SLC2A9: variants seen among roughly 807,000 people sequenced by gnomAD.
The protein encoded by SLC2A9 is solute carrier family 2 member 9.
In SLC2A9, 39 loss-of-function variants were observed where a neutral mutation model predicts 50.6. The ratio of observed to expected loss-of-function variants is 0.77; its 90% CI spans 0.60 to 1.01. The LOEUF is 1.01. Ranked by LOEUF, SLC2A9 falls within the 50% of genes least tolerant of loss-of-function variation. SLC2A9 has a pLI of 0.00. For synonymous variants in SLC2A9, 324 were observed against 276.9 expected (o/e 1.17, Z -1.69); for missense variants, 686 against 677.6 (o/e 1.01, Z -0.14).
At chr4:9,944,850 G>A (rs1208435749) in intron 5 of SLC2A9, among the ~76,000 whole-genome samples, 3 of 152,194 alleles carry the variant, frequency 2.0e-5, no homozygotes, top group Non-Finnish European at 4.4e-5. Context: ...ACCAAGAAAA[G>A]TGTGACTGGG....
intron 2 of SLC2A9, among the ~76,000 whole-genome samples, chr4:10,015,740 G>A (rs1199532183): frequency 3.9e-5 from 6 of 152,158 alleles, no homozygotes; most frequent in Admixed American, 1.3e-4. Context: ...CGAATCCACC[G>A]GCACTTTGAT....
At chr4:10,007,862 G>A (rs904235709) in intron 2 of SLC2A9, among the ~76,000 whole-genome samples, 1 of 152,128 alleles carries the variant, frequency 6.6e-6, no homozygotes, top group Non-Finnish European at 1.5e-5. Context: ...TATAGAATGG[G>A]AATAAGAACC....
chr4:10,025,851 C>G (rs1763731978), upstream of SLC2A9: 5 of 1,574,266 alleles, frequency 3.2e-6, no homozygotes, highest in East Asian at 6.7e-5. Flanking sequence ...GGTACTACCC[C>G]CTGGGTGACC....
At chr4:9,839,426 C>A (rs553125877) in intron 10 of SLC2A9, among the ~76,000 whole-genome samples, 12 of 152,166 alleles carry the variant, frequency 7.9e-5, no homozygotes, top group African/African-American at 2.9e-4. Context: ...GACAGTGTGG[C>A]CGTTCCTCAA....
At chr4:9,953,410 C>A (rs930876626) in intron 5 of SLC2A9, among the ~76,000 whole-genome samples, 3 of 152,232 alleles carry the variant, frequency 2.0e-5, no homozygotes, top group African/African-American at 7.2e-5. Context: ...GATGTGGGCA[C>A]TGGTGCCTTG....
chr4:9,917,418 C>T (rs1401378950), intron 7 of SLC2A9, among the ~76,000 whole-genome samples: 2 of 145,174 alleles, frequency 1.4e-5, no homozygotes, highest in African/African-American at 2.6e-5. Context: ...CTGTAGCCTC[C>T]GCCTCCCAGG....
intron 7 of SLC2A9, among the ~76,000 whole-genome samples, chr4:9,919,739 A>G (rs1743555460): frequency 6.6e-6 from 1 of 152,196 alleles, no homozygotes; most frequent in South Asian, 2.1e-4. Context: ...ATAGATGGGG[A>G]GATCACCACC....
intron 3 of SLC2A9, among the ~76,000 whole-genome samples, chr4:9,995,273 G>A (rs1451448754): frequency 1.3e-5 from 2 of 152,112 alleles, no homozygotes; most frequent in Non-Finnish European, 2.9e-5. Context: ...GTATTTCCAG[G>A]CCCTGAATTC....
rs142273891 is a variant in SLC2A9 at position 9,996,747 on chromosome 4, G to A, written c.410+34C>T. 12 of 1,610,374 alleles carry A rather than the reference G, an allele frequency of 7.5e-6. No homozygotes were observed. The Admixed American group carries it at 1.2e-4, about 16-fold the overall frequency. Reference sequence around the variant, plus strand: ...GACACAGATATATTATGAACATGGAGGGCACCCCCAGATAGAGACAGCCTC... The same window carrying A: ...GACACAGATATATTATGAACATGGAAGGCACCCCCAGATAGAGACAGCCTC... On this transcript the variant is annotated intron_variant, in intron 3 of 11. Transcript: ENST00000264784.
intron 10 of SLC2A9, chr4:9,879,297 T>C (rs1305048323): frequency 4.1e-6 from 4 of 985,124 alleles, no homozygotes; most frequent in African/African-American, 1.7e-5. Context: ...AATGGATGAA[T>C]AAGGGTGGTT....
Position 9,826,232 on chromosome 4 carries a change from G to C in SLC2A9, c.*165C>G, listed in dbSNP as rs1472459027. The C allele has an allele frequency of 8.8e-6, 6 of 683,788 alleles. No homozygotes were observed. Among genetic ancestry groups the C allele is most frequent in the African/African-American group, 7.2e-5 (4 of 55,288 alleles). The allele number at this position is 683,788 out of a possible 1,614,324, so 42.4% of individuals were successfully genotyped here. On this transcript the variant is annotated 3_prime_UTR_variant, in exon 12 of 12. Coordinates refer to ENST00000264784, the MANE Select transcript of SLC2A9 (RefSeq NM_020041.3). ...CTAACACAGTTGCAATGTTAGATTAGTACAGGTTTACTTTTAAATATTTAA... is the reference window on the plus strand; with the variant it reads ...CTAACACAGTTGCAATGTTAGATTACTACAGGTTTACTTTTAAATATTTAA...
chr4:9,849,488 TTGAC>T (rs1204244027), intron 10 of SLC2A9, among the ~76,000 whole-genome samples: 2 of 152,246 alleles, frequency 1.3e-5, no homozygotes, highest in African/African-American at 4.8e-5. Context: ...GTTCTTCCTC[TTGAC>T]TATCAATTAG....
chr4:9,979,904 T>C (rs553413271), intron 5 of SLC2A9, among the ~76,000 whole-genome samples: 15 of 152,246 alleles, frequency 9.9e-5, no homozygotes, highest in Admixed American at 2.6e-4. Flanking sequence ...CTTTCTCTGG[T>C]ATATCCTCTG....
intron 11 of SLC2A9, among the ~76,000 whole-genome samples, chr4:9,826,998 T>C (rs1725254738): frequency 6.6e-6 from 1 of 152,180 alleles, no homozygotes; most frequent in African/African-American, 2.4e-5. Context: ...GGAAGAGAAA[T>C]GCCTTAGTTC....
chr4:9,999,581 A>G lies in SLC2A9; in HGVS notation c.250-2640T>C, dbSNP rs545230403. On this transcript the variant is annotated intron_variant, in intron 2 of 11. Transcript: ENST00000264784. ...TGGCCATGGAATTGCAAGGAGGCCAATAGGGGAGGAACAGGACCAGAAAGG... is the reference window on the plus strand; with the variant it reads ...TGGCCATGGAATTGCAAGGAGGCCAGTAGGGGAGGAACAGGACCAGAAAGG... 2.7e-3 allele frequency among the ~76,000 whole-genome samples: 406 copies of G among 152,290 alleles called. 1 individual carries two copies. Among genetic ancestry groups the G allele is most frequent in the African/African-American group, 9.3e-3 (385 of 41,550 alleles).
intron 1 of SLC2A9, among the ~76,000 whole-genome samples, chr4:9,774,694 T>C (rs1161495897): frequency 1.3e-5 from 2 of 151,920 alleles, no homozygotes; most frequent in African/African-American, 4.8e-5. Context: ...AAAGAAATCA[T>C]TTTCTCTCTC....
chr4:9,888,144 G>A (rs1736651245), intron 9 of SLC2A9, among the ~76,000 whole-genome samples: 1 of 151,768 alleles, frequency 6.6e-6, no homozygotes, highest in South Asian at 2.1e-4. Flanking sequence ...AGGAGGGATA[G>A]CATTAGGAGA....
chr4:10,027,424 G>A (rs1185420103), intron 1 of SLC2A9, among the ~76,000 whole-genome samples: 2 of 152,050 alleles, frequency 1.3e-5, no homozygotes, highest in Non-Finnish European at 1.5e-5. Context: ...ACAGCAAAAC[G>A]ATCCCAAAGA....
At chr4:9,790,921 T>C (rs73805852) in intron 3 of SLC2A9, among the ~76,000 whole-genome samples, 11 of 152,218 alleles carry the variant, frequency 7.2e-5, no homozygotes, top group East Asian at 1.9e-4. Flanking sequence ...TTATTAACAA[T>C]GAATACATCT....
Sources: gnomAD v4.1 joint callset for allele counts (sites outside exome capture counted in the v4.1 genomes callset) on GRCh38, gnomAD v4.1.1 for gene constraint, MANE v1.5 for transcripts, NCBI Gene and HGNC (gene_info 2026-07-23, HGNC 2026-07-21) for gene names.